The following CATSPERB variants were observed in gnomAD, a reference collection of about 807,000 sequenced individuals.
The protein encoded by CATSPERB is cation channel sperm-associated auxiliary subunit beta.
Under a neutral mutation model 128.3 loss-of-function variants are expected in CATSPERB, and 93 were observed. That is an observed-to-expected ratio of 0.72 (90% CI 0.61 to 0.86). CATSPERB has a LOEUF of 0.86. Ranked by LOEUF, CATSPERB falls within the 40% of genes least tolerant of loss-of-function variation. The pLI, the probability that CATSPERB is intolerant of heterozygous loss-of-function variation, is 0.00. For synonymous variants in CATSPERB, 381 were observed against 448.8 expected (o/e 0.85, Z 1.91); for missense variants, 1,153 against 1,329.5 (o/e 0.87, Z 2.06).
At chr14:91,647,675 C>T (rs1894629486) in intron 15 of CATSPERB, among the ~76,000 whole-genome samples, 1 of 152,110 alleles carries the variant, frequency 6.6e-6, no homozygotes. Context: ...ACCATCAGAT[C>T]TTGTGAGACT....
chr14:91,654,235 C>T (rs891457269), intron 15 of CATSPERB, among the ~76,000 whole-genome samples: 1 of 152,312 alleles, frequency 6.6e-6, no homozygotes, highest in Non-Finnish European at 1.5e-5. Flanking sequence ...AAGAAAGCAC[C>T]TTTATAAGAA....
chr14:91,631,813 A>G (rs995632442), intron 17 of CATSPERB, among the ~76,000 whole-genome samples: 1 of 152,214 alleles, frequency 6.6e-6, no homozygotes, highest in Admixed American at 6.5e-5. Flanking sequence ...TAAAGGGTAG[A>G]TACTGACTAG....
At chr14:91,661,549 T>TATATATATA (rs1894886330) in intron 14 of CATSPERB, among the ~76,000 whole-genome samples, 1 of 52,660 alleles carries the variant, frequency 1.9e-5, no homozygotes, top group Non-Finnish European at 4.0e-5. Flanking sequence ...ATATATATAT[T>TATATATATA]TAAGACAGGG....
chr14:91,702,750 T>C (rs1595185398), intron 7 of CATSPERB, among the ~76,000 whole-genome samples: 1 of 151,858 alleles, frequency 6.6e-6, no homozygotes, highest in East Asian at 1.9e-4. Context: ...CATATTGAAT[T>C]GATAAATTTG....
chr14:91,703,764 C>G (rs958937257), intron 7 of CATSPERB, among the ~76,000 whole-genome samples: 7 of 152,120 alleles, frequency 4.6e-5, no homozygotes, highest in African/African-American at 1.7e-4. Context: ...TTTACTGTAT[C>G]CTTTGTTTTG....
At chr14:91,583,358 G>T (rs1893241809) in intron 26 of CATSPERB, among the ~76,000 whole-genome samples, 1 of 152,038 alleles carries the variant, frequency 6.6e-6, no homozygotes, top group Non-Finnish European at 1.5e-5. Context: ...GGCGGAACTT[G>T]CAGTGAGCCG....
chr14:91,688,934 A>G (rs2139843206), intron 10 of CATSPERB, among the ~76,000 whole-genome samples: 1 of 152,272 alleles, frequency 6.6e-6, no homozygotes, highest in South Asian at 2.1e-4. Flanking sequence ...GTTTTATTCT[A>G]ATGATCTTTG....
At chr14:91,614,002 T>C (rs1314424382) in intron 20 of CATSPERB, among the ~76,000 whole-genome samples, 1 of 152,216 alleles carries the variant, frequency 6.6e-6, no homozygotes, top group Non-Finnish European at 1.5e-5. Flanking sequence ...CTAACGCTAG[T>C]TGGAGCTGCA....
rs1488757020 is a variant in CATSPERB at position 91,659,861 on chromosome 14, C to G, written c.1408G>C (p.Gly470Arg). The G allele has an allele frequency of 6.2e-7, 1 of 1,606,152 alleles. No individual in the cohort carries two copies. Among genetic ancestry groups the G allele is most frequent in the South Asian group, 1.1e-5 (1 of 89,084 alleles). The change falls in exon 15 of 27, where the codon GGA becomes CGA. Residue 470 changes from glycine to arginine, a missense_variant. By Grantham distance (125) the Gly-to-Arg change is moderately radical. Transcript: ENST00000256343. ...TSAITFVSQR[G>R]KVYSTKAGMG... ...CCTGCCTTTGTCGAGTAAACCTTTC[C>G]ACGTTGAGAAACAAAAGTAATAGCT...
chr14:91,688,505 T>A (rs1162269437), intron 10 of CATSPERB, among the ~76,000 whole-genome samples: 2 of 152,316 alleles, frequency 1.3e-5, no homozygotes, highest in African/African-American at 4.8e-5. Flanking sequence ...CATTTTTTTT[T>A]ATTATTGCCT....
At chr14:91,629,396 A>G (rs905996780) in intron 17 of CATSPERB, among the ~76,000 whole-genome samples, 2 of 152,200 alleles carry the variant, frequency 1.3e-5, no homozygotes, top group African/African-American at 4.8e-5. Context: ...CAAAGCATAG[A>G]GAATTTTTAG....
chr14:91,650,395 G>A (rs901601064), intron 15 of CATSPERB, among the ~76,000 whole-genome samples: 3 of 152,140 alleles, frequency 2.0e-5, no homozygotes, highest in Non-Finnish European at 4.4e-5. Context: ...TGTTGTAGAA[G>A]AATTCTATGT....
At chr14:91,583,406 G>A (rs988232265) in intron 26 of CATSPERB, among the ~76,000 whole-genome samples, 18 of 152,106 alleles carry the variant, frequency 1.2e-4, no homozygotes, top group Admixed American at 2.0e-4. Flanking sequence ...GCAACAGAGC[G>A]TGACTCCATC....
intron 22 of CATSPERB, among the ~76,000 whole-genome samples, chr14:91,605,760 T>A (rs1258822512): frequency 6.6e-6 from 1 of 152,162 alleles, no homozygotes; most frequent in Non-Finnish European, 1.5e-5. Flanking sequence ...CTCCTTTGTT[T>A]GGTTAACCCC....
At chr14:91,588,637 G>A (rs1006675279) in intron 24 of CATSPERB, among the ~76,000 whole-genome samples, 2 of 152,064 alleles carry the variant, frequency 1.3e-5, no homozygotes, top group Admixed American at 6.6e-5. Context: ...AGAATCTAAA[G>A]GAAAAGAAAC....
chr14:91,652,505 A>AATAC (rs1491256996), intron 15 of CATSPERB, among the ~76,000 whole-genome samples: 1 of 69,206 alleles, frequency 1.4e-5, no homozygotes, highest in Non-Finnish European at 3.2e-5. Context: ...CTAACAATAC[A>AATAC]AAAAAAAAAA....
chr14:91,629,971 C>A lies in CATSPERB; in HGVS notation c.1743-4964G>T, dbSNP rs191045823. Among the ~76,000 whole-genome samples the A allele has an allele frequency of 2.4e-4, 37 of 152,262 alleles. 1 individual carries two copies. The highest frequency in any genetic ancestry group is 2.4e-3 in the Admixed American group (36 of 15,290). ...AAAAGACAAATATCATCAAACTAAG[C>A]TACCTATGCATTCTAAGCTCCCATT... is the stretch of plus-strand genomic sequence containing the variant. On this transcript the variant is annotated intron_variant, in intron 17 of 26. Transcript: ENST00000256343.
At chr14:91,590,224 A>T (rs1361713898) in intron 23 of CATSPERB, among the ~76,000 whole-genome samples, 2 of 152,348 alleles carry the variant, frequency 1.3e-5, no homozygotes, top group South Asian at 4.1e-4. Context: ...ATATAAAAAC[A>T]GCCCTCATAA....
intron 14 of CATSPERB, among the ~76,000 whole-genome samples, chr14:91,663,192 G>C (rs1418610694): frequency 6.6e-6 from 1 of 152,010 alleles, no homozygotes; most frequent in Non-Finnish European, 1.5e-5. Context: ...CTGATTCGGG[G>C]ACCTAACCAA....
Sources: allele counts gnomAD v4.1 joint callset (sites outside exome capture counted in the v4.1 genomes callset), GRCh38; gene constraint gnomAD v4.1.1; transcripts MANE v1.5; gene names NCBI Gene and HGNC (gene_info 2026-07-23, HGNC 2026-07-21).